Variants in CDH4 observed in about 807,000 individuals in gnomAD.
CDH4 encodes cadherin 4.
In CDH4, 33 loss-of-function variants were observed where a neutral mutation model predicts 86.0. The ratio of observed to expected loss-of-function variants is 0.38; its 90% CI spans 0.29 to 0.51. CDH4 has a LOEUF of 0.51. CDH4 is among the 20% of genes least tolerant of loss of function. CDH4 has a pLI of 0.86. For synonymous variants in CDH4, 555 were observed against 549.4 expected (o/e 1.01, Z -0.14); for missense variants, 1,114 against 1,307.4 (o/e 0.85, Z 2.28).
intron 6 of CDH4, 103 bp downstream of exon 6, chr20:61,853,001 G>A: frequency 8.1e-7 from 1 of 1,232,918 alleles, no homozygotes; most frequent in Non-Finnish European, 1.1e-6. Context: ...CTACCAGGAT[G>A]GTGCCACGGG....
chr20:61,635,039 G>A (rs1234769394), intron 2 of CDH4, among the ~76,000 whole-genome samples: 2 of 152,220 alleles, frequency 1.3e-5, no homozygotes, highest in Non-Finnish European at 2.9e-5. Context: ...GTGCCCGTCT[G>A]CCCGTGGACA....
At chr20:61,911,733 T>C (rs1211205605) in intron 9 of CDH4, among the ~76,000 whole-genome samples, 1 of 151,590 alleles carries the variant, frequency 6.6e-6, no homozygotes, top group African/African-American at 2.4e-5. Flanking sequence ...GGATAGGATA[T>C]GCCGAAGCGT....
At chr20:61,344,476 T>C (rs754250825) in intron 2 of CDH4, among the ~76,000 whole-genome samples, 1 of 152,238 alleles carries the variant, frequency 6.6e-6, no homozygotes, top group Non-Finnish European at 1.5e-5. Flanking sequence ...GTTGTTAACA[T>C]GGTGAGTTCG....
rs1048175397 is a variant in CDH4 at position 61,663,014 on chromosome 20, C to A, written c.170-80549C>A. Among the ~76,000 whole-genome samples the A allele has an allele frequency of 6.6e-6, 1 of 152,150 alleles. No individual in the cohort carries two copies. Among genetic ancestry groups the A allele is most frequent in the Non-Finnish European group, 1.5e-5 (1 of 68,026 alleles). On this transcript the variant is annotated intron_variant, in intron 2 of 15. Transcript: ENST00000614565. This position sits in a 1 kb window ranked among gnomAD's most constrained non-coding sequence, Gnocchi z 5.0. ...CCCCTCCCCACAGGCACTGGCACAGCGGCCCGGGGTAGAACCCATGGCCCT... is the reference window on the plus strand; with the variant it reads ...CCCCTCCCCACAGGCACTGGCACAGAGGCCCGGGGTAGAACCCATGGCCCT...
chr20:61,271,830 G>C lies in CDH4; in HGVS notation c.169+16893G>C, dbSNP rs552271051. On this transcript the variant is annotated intron_variant, in intron 2 of 15. Transcript: ENST00000614565. Reference sequence around the variant, plus strand: ...AAAGATGAAAACGAGGTGTCGCTGAGCTCTCCCCTCAACGTGCCAAGATTC... The same window carrying C: ...AAAGATGAAAACGAGGTGTCGCTGACCTCTCCCCTCAACGTGCCAAGATTC... Among the ~76,000 whole-genome samples the C allele has an allele frequency of 9.2e-5, 14 of 152,296 alleles. No homozygotes were observed. The South Asian group carries it at 2.9e-3, about 32-fold the overall frequency.
intron 4 of CDH4, among the ~76,000 whole-genome samples, chr20:61,844,421 C>A (rs538324740): frequency 3.9e-5 from 6 of 152,022 alleles, no homozygotes; most frequent in Admixed American, 3.9e-4. Context: ...CCAGGCATCC[C>A]GAGTTCTCGG....
At chr20:61,927,106 G>A (rs1159638327) in intron 11 of CDH4, among the ~76,000 whole-genome samples, 16 of 152,212 alleles carry the variant, frequency 1.1e-4, no homozygotes, top group Admixed American at 9.8e-4. Flanking sequence ...GTGTTTTGAC[G>A]CAGCTTCCGG....
chr20:61,558,163 A>G (rs1043796712), intron 2 of CDH4, among the ~76,000 whole-genome samples: 5 of 152,292 alleles, frequency 3.3e-5, no homozygotes, highest in African/African-American at 9.6e-5. Flanking sequence ...ATGAAGGGGT[A>G]TGTCTTTCAC....
At chr20:61,285,445 TG>T (rs1272884568) in intron 2 of CDH4, among the ~76,000 whole-genome samples, 10 of 152,294 alleles carry the variant, frequency 6.6e-5, no homozygotes, top group Non-Finnish European at 1.5e-4. Context: ...CGCATGCCTG[TG>T]AGCCACAGCA....
At position 61,811,581 on chromosome 20, in the gene CDH4, T is replaced by C. The variant is rs139395978; in HGVS notation, c.577-33087T>C. On this transcript the variant is annotated intron_variant, in intron 4 of 15. Coordinates refer to ENST00000614565, the MANE Select transcript of CDH4 (RefSeq NM_001794.5). This position sits in a 1 kb window ranked among gnomAD's most constrained non-coding sequence, Gnocchi z 4.4. ...GGCTCCCTGGCCTTGCCAGTGCTAC[T>C]GTGTGAAAGCGGAGCCCACCAGCCC... 7.8e-3 allele frequency among the ~76,000 whole-genome samples: 1,190 copies of C among 152,144 alleles called. 26 individuals carry two copies. Among genetic ancestry groups the C allele is most frequent in the Admixed American group, 0.04 (617 of 15,294 alleles).
chr20:61,523,641 A>G (rs760884121), intron 2 of CDH4, among the ~76,000 whole-genome samples: 8 of 152,180 alleles, frequency 5.3e-5, no homozygotes, highest in Non-Finnish European at 1.0e-4. Context: ...GCTTTCTCCC[A>G]GCTACTTTCC....
chr20:61,707,768 G>T (rs547469927), intron 2 of CDH4, among the ~76,000 whole-genome samples: 13 of 152,232 alleles, frequency 8.5e-5, no homozygotes, highest in Admixed American at 6.5e-4. Context: ...TGAGGAACGC[G>T]CAGCCTAGAT....
chr20:61,705,281 C>T (rs1455833506), intron 2 of CDH4, among the ~76,000 whole-genome samples: 1 of 152,238 alleles, frequency 6.6e-6, no homozygotes, highest in Non-Finnish European at 1.5e-5. Context: ...CAGAATGTCA[C>T]CCTGCTGCCT....
At chr20:61,877,557 GCTTCTATCCGACGGGAGGCCC>G (rs1392188661) in intron 7 of CDH4, among the ~76,000 whole-genome samples, 3 of 152,146 alleles carry the variant, frequency 2.0e-5, no homozygotes, top group Non-Finnish European at 4.4e-5. Context: ...GAACAGCCCG[GCTTCTATCCGACGGGAGGCCC>G]CGTCTGGTGC....
chr20:61,261,225 A>G (rs2084126176), intron 2 of CDH4, among the ~76,000 whole-genome samples: 2 of 152,178 alleles, frequency 1.3e-5, no homozygotes, highest in Non-Finnish European at 2.9e-5. Context: ...TTCCTAAGTC[A>G]GTGGATCAGG....
intron 4 of CDH4, among the ~76,000 whole-genome samples, chr20:61,837,983 G>T (rs73917535): frequency 6.6e-6 from 1 of 151,334 alleles, no homozygotes; most frequent in African/African-American, 2.4e-5. Context: ...CTCTCTGATC[G>T]CTCCCCAAGC....
At chr20:61,263,219 T>C (rs2084137708) in intron 2 of CDH4, among the ~76,000 whole-genome samples, 1 of 152,084 alleles carries the variant, frequency 6.6e-6, no homozygotes, top group Non-Finnish European at 1.5e-5. Flanking sequence ...GCTGGTAAAA[T>C]CCTTGGTTTT....
intron 2 of CDH4, among the ~76,000 whole-genome samples, chr20:61,447,645 T>TA (rs2085359621): frequency 8.8e-6 from 1 of 114,172 alleles, no homozygotes; most frequent in South Asian, 2.7e-4. Context: ...TTTTTTTTTT[T>TA]AGCTTGAGAT....
Position 61,706,808 on chromosome 20 carries a change from G to A in CDH4, c.170-36755G>A, listed in dbSNP as rs371229658. On this transcript the variant is annotated intron_variant, in intron 2 of 15. Transcript: ENST00000614565. ...GGACGTTCATGGTGAGGTTCCAACC[G>A]GAATGAGTCATGTGACCGTCAGCAT... is the stretch of plus-strand genomic sequence containing the variant. 1.3e-3 allele frequency among the ~76,000 whole-genome samples: 200 copies of A among 152,338 alleles called. No homozygotes were observed. The Middle Eastern group carries it at 0.024, about 18-fold the overall frequency.
Sources: allele counts gnomAD v4.1 joint callset (sites outside exome capture counted in the v4.1 genomes callset), GRCh38; gene constraint gnomAD v4.1.1; non-coding constraint Gnocchi (gnomAD v3.1); transcripts MANE v1.5; gene names NCBI Gene and HGNC (gene_info 2026-07-23, HGNC 2026-07-21).